The following KCNN2 variants were observed in gnomAD, a reference collection of about 807,000 sequenced individuals.
KCNN2 encodes small conductance calcium-activated potassium channel protein 2.
Under a neutral mutation model 55.5 loss-of-function variants are expected in KCNN2, and 24 were observed. The observed-to-expected ratio is 0.43, with a 90% CI of 0.31 to 0.61. KCNN2 has a LOEUF of 0.61. Among genes scored for constraint, KCNN2 ranks in the 20% least tolerant of loss-of-function variants. KCNN2 has a pLI of 0.08. For missense variants in KCNN2, 754 were observed against 853.6 expected, an observed-to-expected ratio of 0.88 and a Z score of 1.45; for synonymous variants, 431 against 336.1, an observed-to-expected ratio of 1.28 and a Z score of -3.09.
intron 1 of KCNN2, among the ~76,000 whole-genome samples, chr5:114,198,651 T>C (rs1240328460): frequency 6.6e-6 from 1 of 152,070 alleles, no homozygotes; most frequent in Non-Finnish European, 1.5e-5. Context: ...TCGAGTAGTA[T>C]TGCTTTTTTA....
At chr5:114,262,845 G>C (rs1484222616) in intron 2 of KCNN2, among the ~76,000 whole-genome samples, 1 of 152,008 alleles carries the variant, frequency 6.6e-6, no homozygotes, top group Admixed American at 6.6e-5. Flanking sequence ...TGACCTTCCT[G>C]GGCTTCAGTC....
At chr5:114,269,389 G>A (rs956330382) in intron 2 of KCNN2, among the ~76,000 whole-genome samples, 1 of 152,034 alleles carries the variant, frequency 6.6e-6, no homozygotes, top group Non-Finnish European at 1.5e-5. Context: ...CTGATGCATG[G>A]CCTTTCCTGA....
At chr5:114,413,433 C>T (rs549103479) in intron 3 of KCNN2, among the ~76,000 whole-genome samples, 12 of 152,022 alleles carry the variant, frequency 7.9e-5, no homozygotes, top group Non-Finnish European at 1.3e-4. Context: ...TACAGGTGCC[C>T]GCCACCATGC....
intron 1 of KCNN2, among the ~76,000 whole-genome samples, chr5:114,121,271 G>C (rs575258395): frequency 6.6e-6 from 1 of 152,194 alleles, no homozygotes; most frequent in Non-Finnish European, 1.5e-5. Context: ...GGTTTCAAAG[G>C]GTATCTTGGT....
intron 2 of KCNN2, among the ~76,000 whole-genome samples, chr5:114,249,930 T>C (rs1305922741): frequency 5.3e-5 from 8 of 152,138 alleles, no homozygotes; most frequent in Non-Finnish European, 2.9e-5. Context: ...GAGAGTGGCT[T>C]AGTATCTTGG....
chr5:114,442,034 C>A (rs1047212577), intron 3 of KCNN2, among the ~76,000 whole-genome samples: 2 of 152,050 alleles, frequency 1.3e-5, no homozygotes, highest in Admixed American at 1.3e-4. Flanking sequence ...CTCAGAATCC[C>A]ATTTCTCAAA....
At chr5:114,081,946 G>A (rs949253000) in intron 1 of KCNN2, among the ~76,000 whole-genome samples, 4 of 152,008 alleles carry the variant, frequency 2.6e-5, no homozygotes, top group Non-Finnish European at 5.9e-5. Context: ...AATGGGCAAA[G>A]GATTGAATAG....
At chr5:114,249,726 A>T (rs1203200701) in intron 2 of KCNN2, among the ~76,000 whole-genome samples, 2 of 139,380 alleles carry the variant, frequency 1.4e-5, no homozygotes, top group Non-Finnish European at 1.5e-5. Context: ...GTTCGGAATT[A>T]AAAAAAAACC....
intron 4 of KCNN2, among the ~76,000 whole-genome samples, chr5:114,465,478 G>A (rs1208010245): frequency 2.0e-5 from 3 of 152,090 alleles, no homozygotes; most frequent in Non-Finnish European, 4.4e-5. Flanking sequence ...CAGGTGTGGT[G>A]GCACATGCCT....
At chr5:114,357,771 T>A (rs1404149632), upstream of KCNN2, among the ~76,000 whole-genome samples, 112 of 149,540 alleles carry the variant, frequency 7.5e-4, no homozygotes, top group Non-Finnish European at 1.4e-3. Flanking sequence ...CGTGTGCATG[T>A]GTCTTTATAG....
chr5:114,481,284 C>T (rs1320835930), intron 5 of KCNN2, among the ~76,000 whole-genome samples: 4 of 152,100 alleles, frequency 2.6e-5, no homozygotes, highest in Non-Finnish European at 5.9e-5. Context: ...AGGAATACAG[C>T]TAACAAGGGA....
intron 1 of KCNN2, among the ~76,000 whole-genome samples, chr5:114,179,871 A>G (rs1041283137): frequency 6.6e-6 from 1 of 152,256 alleles, no homozygotes; most frequent in South Asian, 2.1e-4. Flanking sequence ...AATAGAAAGT[A>G]TGGATATTAT....
intron 1 of KCNN2, among the ~76,000 whole-genome samples, chr5:114,079,021 G>T (rs1010115212): frequency 3.3e-5 from 5 of 152,066 alleles, no homozygotes; most frequent in African/African-American, 1.2e-4. Flanking sequence ...TTTGGGTTAG[G>T]ACTTGCTTTT....
At chr5:114,350,566 T>C (rs1757189056) in intron 2 of KCNN2, among the ~76,000 whole-genome samples, 1 of 151,980 alleles carries the variant, frequency 6.6e-6, no homozygotes, top group South Asian at 2.1e-4. Flanking sequence ...TTCACTCAAA[T>C]GCTTTGAGTT....
chr5:114,097,953 C>G (rs940185643), intron 1 of KCNN2, among the ~76,000 whole-genome samples: 2 of 152,142 alleles, frequency 1.3e-5, no homozygotes, highest in African/African-American at 2.4e-5. Context: ...TGTTTATTTT[C>G]CTACAGTTCT....
chr5:114,196,415 G>T (rs906402890), intron 1 of KCNN2, among the ~76,000 whole-genome samples: 1 of 152,048 alleles, frequency 6.6e-6, no homozygotes, highest in African/African-American at 2.4e-5. Context: ...TTTTTTGGAA[G>T]AGTTTGTAAA....
chr5:114,374,359 G>A (rs534760443), intron 2 of KCNN2, among the ~76,000 whole-genome samples: 55 of 152,282 alleles, frequency 3.6e-4, no homozygotes, highest in African/African-American at 1.3e-3. Context: ...AGGCATACAT[G>A]TAAATGACTG....
chr5:114,433,539 T>G (rs1475581486), intron 3 of KCNN2: 2 of 152,426 alleles, frequency 1.3e-5, no homozygotes, highest in South Asian at 2.1e-4. Flanking sequence ...TCTTCAACAC[T>G]GTGGAAGCTT....
chr5:114,406,512 A>G (rs921809740), intron 3 of KCNN2, among the ~76,000 whole-genome samples: 1 of 151,928 alleles, frequency 6.6e-6, no homozygotes, highest in Non-Finnish European at 1.5e-5. Flanking sequence ...AATATATCGT[A>G]ATCATTTTTC....
Sources: gnomAD v4.1 joint callset for allele counts (sites outside exome capture counted in the v4.1 genomes callset) on GRCh38, gnomAD v4.1.1 for gene constraint, MANE v1.5 for transcripts, NCBI Gene and HGNC (gene_info 2026-07-23, HGNC 2026-07-21) for gene names.